Variants in SPTBN1 observed in about 807,000 individuals in gnomAD.
SPTBN1 encodes the protein spectrin beta chain, non-erythrocytic 1.
SPTBN1 carries 32 observed loss-of-function variants against 266.4 expected under a neutral mutation model. The observed-to-expected ratio is 0.12, with a 90% CI of 0.09 to 0.16. The LOEUF (loss-of-function observed/expected upper bound fraction) is 0.16, where lower values mean the gene tolerates loss of function less well. Among genes scored for constraint, SPTBN1 ranks in the 10% least tolerant of loss-of-function variants. The pLI is 1.00. For synonymous variants in SPTBN1, 1,336 were observed against 1,162.2 expected (o/e 1.15, Z -3.04); for missense variants, 2,296 against 3,067.1 (o/e 0.75, Z 5.94).
At chr2:54,634,367 G>A (rs577612730) in intron 17 of SPTBN1, among the ~76,000 whole-genome samples, 13 of 152,354 alleles carry the variant, frequency 8.5e-5, no homozygotes, top group African/African-American at 2.9e-4. Context: ...CCTTGACCAA[G>A]AGCCTGGGCT....
chr2:54,459,901 G>A (rs773461213), intron 1 of SPTBN1, among the ~76,000 whole-genome samples: 1 of 151,974 alleles, frequency 6.6e-6, no homozygotes, highest in Non-Finnish European at 1.5e-5. Flanking sequence ...TGATTTTTCC[G>A]GTAGCACTTG....
intron 4 of SPTBN1, 126 bp downstream of exon 4, chr2:54,612,460 CAT>C: frequency 2.8e-6 from 3 of 1,089,970 alleles, no homozygotes; most frequent in South Asian, 3.8e-5. Context: ...GTCTCAGAGT[CAT>C]GTGTGTCATA....
At chr2:54,625,039 C>G in intron 11 of SPTBN1, 77 bp downstream of exon 11, 1 of 1,477,450 alleles carries the variant, frequency 6.8e-7, no homozygotes, top group Non-Finnish European at 9.0e-7. Context: ...GGGCATAGGG[C>G]CAGAGGACAG....
intron 18 of SPTBN1, among the ~76,000 whole-genome samples, chr2:54,639,795 C>T (rs1679405583): frequency 6.6e-6 from 1 of 152,220 alleles, no homozygotes; most frequent in South Asian, 2.1e-4. Context: ...GATTATGAGG[C>T]ATGCCCAGGG....
At chr2:54,579,632 G>GA (rs1416470819) in intron 2 of SPTBN1, among the ~76,000 whole-genome samples, 2 of 148,258 alleles carry the variant, frequency 1.3e-5, no homozygotes, top group African/African-American at 4.9e-5. Flanking sequence ...TTTGAACTGG[G>GA]AAGATATATT....
chr2:54,614,177 C>T (rs1484465824), intron 4 of SPTBN1, among the ~76,000 whole-genome samples: 2 of 152,170 alleles, frequency 1.3e-5, no homozygotes, highest in Non-Finnish European at 2.9e-5. Flanking sequence ...ACTCAGCTTT[C>T]TCCAGCAGCT....
chr2:54,552,409 G>T (rs1672625339), intron 2 of SPTBN1, among the ~76,000 whole-genome samples: 1 of 151,832 alleles, frequency 6.6e-6, no homozygotes, highest in Admixed American at 6.6e-5. Flanking sequence ...TAGGCACAGA[G>T]AACCAAGGTT....
intron 1 of SPTBN1, among the ~76,000 whole-genome samples, chr2:54,502,740 T>C (rs1669338810): frequency 6.6e-6 from 1 of 152,146 alleles, no homozygotes; most frequent in African/African-American, 2.4e-5. Flanking sequence ...GAAAGCAAGG[T>C]GAAGGGCTTC....
At chr2:54,497,913 C>T (rs964226081) in intron 1 of SPTBN1, among the ~76,000 whole-genome samples, 12 of 152,124 alleles carry the variant, frequency 7.9e-5, no homozygotes, top group African/African-American at 2.4e-4. Flanking sequence ...ACCTCACAGC[C>T]GGAGACCATC....
intron 17 of SPTBN1, among the ~76,000 whole-genome samples, chr2:54,633,754 A>G (rs573040712): frequency 6.6e-6 from 1 of 152,314 alleles, no homozygotes; most frequent in East Asian, 1.9e-4. Context: ...TGCTTACCAC[A>G]TCTGAGAGGG....
intron 2 of SPTBN1, among the ~76,000 whole-genome samples, chr2:54,591,691 C>A (rs1263385750): frequency 4.6e-5 from 7 of 152,194 alleles, no homozygotes; most frequent in Admixed American, 4.6e-4. Flanking sequence ...CTTTCCATAA[C>A]CAGAACTGTG....
In SPTBN1 at chr2:54,628,836, T is replaced by C; in HGVS notation, c.1799-97T>C. On this transcript the variant is annotated intron_variant, in intron 13 of 35. Transcript: ENST00000356805. The surrounding 1 kb of genome is among the most constrained non-coding windows in gnomAD (Gnocchi z 4.3). ...TTTACATTTAGCAGTGAGCTGGTAA[T>C]CATAAGAATATGGGGTGTAGCTTAC... 6.9e-7 allele frequency: 1 copy of C among 1,448,534 alleles called. No individual in the cohort carries two copies. Among genetic ancestry groups the C allele is most frequent in the South Asian group, 1.4e-5 (1 of 72,508 alleles). 89.7% of individuals were successfully genotyped at this position (1,448,534 alleles called of 1,614,324 possible). A position where few individuals can be genotyped will look rare whatever the true frequency, so the allele number is the denominator to read the frequency against.
At chr2:54,608,684 G>A (rs1343656033) in intron 3 of SPTBN1, among the ~76,000 whole-genome samples, 1 of 151,674 alleles carries the variant, frequency 6.6e-6, no homozygotes, top group Admixed American at 6.6e-5. Context: ...TTGTGTGCGT[G>A]TGTGTGCATG....
chr2:54,515,839 T>C (rs931343316), intron 1 of SPTBN1: 6 of 152,140 alleles, frequency 3.9e-5, no homozygotes, highest in African/African-American at 1.2e-4. Flanking sequence ...ACCCTTTTTT[T>C]CCTCCTAATT....
intron 2 of SPTBN1, among the ~76,000 whole-genome samples, chr2:54,559,315 A>C (rs1008062509): frequency 6.6e-6 from 1 of 152,126 alleles, no homozygotes; most frequent in Non-Finnish European, 1.5e-5. Flanking sequence ...GAACAATAGC[A>C]AAGGGGAGGA....
At position 54,492,349 on chromosome 2, in the gene SPTBN1, G is replaced by GTT. The variant is rs542155672; in HGVS notation, c.-47-34009_-47-34008dup. On this transcript the variant is annotated intron_variant, in intron 1 of 35. Coordinates refer to ENST00000356805, the MANE Select transcript of SPTBN1 (RefSeq NM_003128.3). ...TTAGTTTGTCTGCAGTTGTTTTTTT[G>GTT]TTTTTTTTTTTTTTTGCTACTATAG... Among the ~76,000 whole-genome samples the GTT allele has an allele frequency of 2.4e-3, 321 of 132,664 alleles. 2 individuals carry two copies. Among genetic ancestry groups the GTT allele is most frequent in the African/African-American group, 8.6e-3 (310 of 36,226 alleles). 87.0% of individuals were successfully genotyped at this position (132,664 alleles called of 152,430 possible).
At chr2:54,576,243 A>G (rs1326314256) in intron 2 of SPTBN1, among the ~76,000 whole-genome samples, 2 of 151,816 alleles carry the variant, frequency 1.3e-5, no homozygotes, top group African/African-American at 4.8e-5. Flanking sequence ...TAGTAGAGAC[A>G]GGGTTTTACC....
chr2:54,620,902 G>A (rs1266799801), intron 7 of SPTBN1, among the ~76,000 whole-genome samples: 1 of 152,196 alleles, frequency 6.6e-6, no homozygotes, highest in East Asian at 1.9e-4. Flanking sequence ...GGTGCACTAT[G>A]TGAAGGAAAT....
chr2:54,603,989 A>C (rs893596404), intron 3 of SPTBN1, among the ~76,000 whole-genome samples: 3 of 152,186 alleles, frequency 2.0e-5, no homozygotes, highest in South Asian at 2.1e-4. Flanking sequence ...GATTGTTATC[A>C]TACAGCTGTA....
Sources: allele counts gnomAD v4.1 joint callset (sites outside exome capture counted in the v4.1 genomes callset), GRCh38; gene constraint gnomAD v4.1.1; non-coding constraint Gnocchi (gnomAD v3.1); transcripts MANE v1.5; gene names NCBI Gene and HGNC (gene_info 2026-07-23, HGNC 2026-07-21).